Variants in PUM2 observed in about 807,000 individuals in gnomAD.
PUM2 encodes the protein pumilio homolog 2.
PUM2 carries 57 observed loss-of-function variants against 124.5 expected under a neutral mutation model. That is an observed-to-expected ratio of 0.46 (90% CI 0.37 to 0.57). PUM2 has a LOEUF of 0.57. Ranked by LOEUF, PUM2 falls within the 20% of genes least tolerant of loss-of-function variation. The pLI is 0.00. For missense variants in PUM2, 1,065 were observed against 1,290.6 expected (o/e 0.83, Z 2.68); for synonymous variants, 460 against 446.1 (o/e 1.03, Z -0.39).
In PUM2 at chr2:20,350,655, C is replaced by T; in HGVS notation, c.-77G>A. On this transcript the variant is annotated 5_prime_UTR_variant, in exon 1 of 21. Coordinates refer to ENST00000361078, the MANE Select transcript of PUM2 (RefSeq NM_015317.5). ...ACACCGACCGTTGGGCACACGGCGG[C>T]GTCGCTCTTGGCGGTCCTCCCCCTC... is the stretch of plus-strand genomic sequence containing the variant. 1 of 985,474 alleles carries T rather than the reference C, an allele frequency of 1.0e-6. No individual in the cohort carries two copies. The highest frequency in any genetic ancestry group is 1.2e-6 in the Non-Finnish European group (1 of 830,006). The allele number at this position is 985,474 out of a possible 1,614,324, so 61.0% of individuals were successfully genotyped here. A position where few individuals can be genotyped will look rare whatever the true frequency, so the allele number is the denominator to read the frequency against.
intron 1 of PUM2, among the ~76,000 whole-genome samples, chr2:20,344,882 C>A (rs1687917522): frequency 6.8e-6 from 1 of 146,064 alleles, no homozygotes; most frequent in African/African-American, 2.5e-5. Context: ...ACTCAGGAGG[C>A]TGAGGCAGGA....
chr2:20,336,046 T>C (rs1048401345), intron 1 of PUM2, among the ~76,000 whole-genome samples: 6 of 152,338 alleles, frequency 3.9e-5, no homozygotes, highest in Admixed American at 2.6e-4. Context: ...AGATAAGATC[T>C]ACACACTAAA....
chr2:20,260,408 C>T lies in PUM2; in HGVS notation c.2284G>A (p.Glu762Lys). 1 of 1,611,608 alleles carries T rather than the reference C, an allele frequency of 6.2e-7. No individual in the cohort carries two copies. The highest frequency in any genetic ancestry group is 1.3e-5 in the African/African-American group (1 of 74,980). Residue 762 changes from glutamate to lysine, a missense_variant, in exon 15 of 21, where the codon GAA becomes AAA. Glu to Lys is a moderately conservative substitution (Grantham distance 56). Transcript: ENST00000361078. ...AATTGATAGGCTGCTTGCAGAATTT[C>T]ATTAAATACCATCTGTCGCTCAGCT... Reference protein sequence around the residue: ...TPAERQMVFNEILQAAYQLMT... With the variant: ...TPAERQMVFNKILQAAYQLMT...
At chr2:20,263,574 T>A in intron 13 of PUM2, 114 bp from the exon 14 acceptor site, 1 of 1,238,082 alleles carries the variant, frequency 8.1e-7, no homozygotes, top group South Asian at 1.5e-5. Flanking sequence ...CACTAATTCC[T>A]ACTTGTTATG....
rs1434534073 is a variant in PUM2, at chr2:20,249,983, T to C, written c.*1602A>G. ...CATCGTGTTACTGTTATGTCTTATG[T>C]CCAGAGGAAAAAATGTTATCATACA... On this transcript the variant is annotated 3_prime_UTR_variant, in exon 21 of 21. Transcript: ENST00000361078. The C allele has an allele frequency of 1.3e-5, 2 of 152,616 alleles. No individual in the cohort carries two copies. The highest frequency in any genetic ancestry group is 2.9e-5 in the Non-Finnish European group (2 of 68,032). The allele number at this position is 152,616 out of a possible 1,614,324, so 9.5% of individuals were successfully genotyped here.
Position 20,283,400 on chromosome 2 carries a change from G to A in PUM2, c.1378C>T (p.Pro460Ser). ...GPGARTGLGA[P>S]VRLMAPTPVL... ...GGTGTTGGAGCCATTAACCGAACTG[G>A]AGCTCCAAGGCCAGTCCTTGCTCCA... The change falls in exon 11 of 21, where the codon CCA becomes TCA. Residue 460 changes from proline (P) to serine (S), a missense_variant. Coordinates refer to ENST00000361078, the MANE Select transcript of PUM2 (RefSeq NM_015317.5). The A allele has an allele frequency of 6.2e-7, 1 of 1,614,020 alleles. No homozygotes were observed. The highest frequency in any genetic ancestry group is 8.5e-7 in the Non-Finnish European group (1 of 1,180,004).
At chr2:20,262,088 C>CTG (rs1301586926) in intron 14 of PUM2, among the ~76,000 whole-genome samples, 2 of 152,118 alleles carry the variant, frequency 1.3e-5, no homozygotes, top group Non-Finnish European at 2.9e-5. Flanking sequence ...GAGTAAGACC[C>CTG]TGTCTCAAAG....
chr2:20,312,229 T>C lies in PUM2; in HGVS notation c.348+7A>G, dbSNP rs190026630. 50 of 1,569,776 alleles carry C rather than the reference T, an allele frequency of 3.2e-5. No individual in the cohort carries two copies. In the Admixed American group the frequency reaches 8.9e-4, roughly 28 times the overall value. Reference sequence around the variant, plus strand: ...ATATTAAATATTTCTTTATTCAAAATACTTACAAAATTTCCCTTCCTAAAT... The same window carrying C: ...ATATTAAATATTTCTTTATTCAAAACACTTACAAAATTTCCCTTCCTAAAT... On this transcript the variant is annotated splice_region_variant and intron_variant, in intron 4 of 20. Transcript: ENST00000361078.
chr2:20,312,143 G>A, intron 4 of PUM2, 93 bp downstream of exon 4: 1 of 1,188,448 alleles, frequency 8.4e-7, no homozygotes. Flanking sequence ...CTATAGGAAG[G>A]GCACAGAAAA....
At chr2:20,337,184 T>C (rs868696869) in intron 1 of PUM2, among the ~76,000 whole-genome samples, 3 of 151,990 alleles carry the variant, frequency 2.0e-5, no homozygotes, top group Non-Finnish European at 4.4e-5. Flanking sequence ...AAAAACTGTG[T>C]AAGCCTGCTT....
At chr2:20,282,788 G>A (rs1173410863) in intron 12 of PUM2, among the ~76,000 whole-genome samples, 159 bp downstream of exon 12, 2 of 152,182 alleles carry the variant, frequency 1.3e-5, no homozygotes, top group African/African-American at 4.8e-5. Context: ...GTGTTGAAAA[G>A]ATTTGCAGGA....
At chr2:20,351,023 C>T (rs1689281315), upstream of PUM2, among the ~76,000 whole-genome samples, 1 of 152,134 alleles carries the variant, frequency 6.6e-6, no homozygotes, top group Admixed American at 6.5e-5. Context: ...GCCGCCTCTC[C>T]GGCGTGCCCT....
At chr2:20,329,588 T>C (rs1684465185) in intron 1 of PUM2, among the ~76,000 whole-genome samples, 1 of 152,106 alleles carries the variant, frequency 6.6e-6, no homozygotes, top group Non-Finnish European at 1.5e-5. Context: ...TTCTGACAGA[T>C]TGGTACTAGA....
chr2:20,326,914 A>C (rs887841086), intron 2 of PUM2, among the ~76,000 whole-genome samples: 1 of 152,100 alleles, frequency 6.6e-6, no homozygotes, highest in African/African-American at 2.4e-5. Context: ...TTAAGTAAAC[A>C]GTTTTGGGTG....
At chr2:20,336,081 G>T (rs529720915) in intron 1 of PUM2, among the ~76,000 whole-genome samples, 1 of 152,310 alleles carries the variant, frequency 6.6e-6, no homozygotes, top group East Asian at 1.9e-4. Flanking sequence ...GCTGGGTTTT[G>T]ATGCTTTAGG....
rs557604603 is a variant in PUM2 at position 20,300,267 on chromosome 2, A to C, written c.884-2589T>G. 2.0e-5 allele frequency among the ~76,000 whole-genome samples: 3 copies of C among 152,112 alleles called. No individual in the cohort carries two copies. The East Asian group carries it at 5.8e-4, about 29-fold the overall frequency. On this transcript the variant is annotated intron_variant, in intron 7 of 20. Transcript: ENST00000361078. The stretch of plus-strand genomic sequence containing the variant: ...CGGGTTCCAGTGATTCTCCTGCCTC[A>C]GCCTCCCGAGTAGCTGGGATTACAG...
chr2:20,346,260 C>T (rs1420532096), intron 1 of PUM2, among the ~76,000 whole-genome samples: 1 of 152,118 alleles, frequency 6.6e-6, no homozygotes, highest in Non-Finnish European at 1.5e-5. Context: ...AATGTTTTTG[C>T]ATGTAATCAT....
intron 13 of PUM2, among the ~76,000 whole-genome samples, chr2:20,269,004 A>G (rs1668386101): frequency 1.3e-5 from 2 of 152,248 alleles, no homozygotes; most frequent in African/African-American, 2.4e-5. Context: ...GAGAATCTAA[A>G]TAACTTATCC....
Position 20,308,039 on chromosome 2 carries a change from T to G in PUM2, c.822A>C (p.Gln274His), listed in dbSNP as rs149498911. ...LFQRTNALTV[Q>H]QLTAAQQQQY... ...GCTGCTGTTGAGCTGCAGTTAACTG[T>G]TGAACTGTTAGTGCATTAGTCCTCT... The change falls in exon 7 of 21, where the codon CAA becomes CAC. Residue 274 changes from glutamine (Q) to histidine (H), a missense_variant. By Grantham distance (24) the Gln-to-His change is conservative. Transcript: ENST00000361078. 5 of 1,613,550 alleles carry G rather than the reference T, an allele frequency of 3.1e-6. No homozygotes were observed. The highest frequency in any genetic ancestry group is 4.2e-6 in the Non-Finnish European group (5 of 1,179,458).
Sources: gnomAD v4.1 joint callset for allele counts (sites outside exome capture counted in the v4.1 genomes callset) on GRCh38, gnomAD v4.1.1 for gene constraint, MANE v1.5 for transcripts, NCBI Gene and HGNC (gene_info 2026-07-23, HGNC 2026-07-21) for gene names.